The following ARHGEF28 variants were observed in gnomAD, a reference collection of about 807,000 sequenced individuals.
ARHGEF28 encodes the protein Rho guanine nucleotide exchange factor 28, also known as 190 kDa guanine nucleotide exchange factor.
Under a neutral mutation model 206.6 loss-of-function variants are expected in ARHGEF28, and 152 were observed. That is an observed-to-expected ratio of 0.74 (90% CI 0.64 to 0.84). The LOEUF (loss-of-function observed/expected upper bound fraction) is 0.84. Ranked by LOEUF, ARHGEF28 falls within the 40% of genes least tolerant of loss-of-function variation. ARHGEF28 has a pLI of 0.00. For missense variants in ARHGEF28, 2,028 were observed against 2,073.2 expected, an observed-to-expected ratio of 0.98 and a Z score of 0.42; for synonymous variants, 763 against 776.4, an observed-to-expected ratio of 0.98 and a Z score of 0.29.
intron 2 of ARHGEF28, among the ~76,000 whole-genome samples, chr5:73,701,838 A>G (rs1012589794): frequency 1.7e-4 from 26 of 152,268 alleles, no homozygotes; most frequent in African/African-American, 6.3e-4. Flanking sequence ...ATAGGTGTCC[A>G]ATTTGTTTAA....
intron 35 of ARHGEF28, among the ~76,000 whole-genome samples, chr5:73,924,618 A>G (rs1763700859): frequency 6.6e-6 from 1 of 152,206 alleles, no homozygotes; most frequent in Non-Finnish European, 1.5e-5. Context: ...GACCAGAGAG[A>G]CTTGTTATGC....
chr5:73,791,657 A>G (rs1280842598), intron 7 of ARHGEF28, among the ~76,000 whole-genome samples: 1 of 152,050 alleles, frequency 6.6e-6, no homozygotes, highest in Non-Finnish European at 1.5e-5. Context: ...TGAGTTTTTT[A>G]GGCGAATCTG....
At chr5:73,759,225 G>A (rs1317336402) in intron 4 of ARHGEF28, among the ~76,000 whole-genome samples, 1 of 152,136 alleles carries the variant, frequency 6.6e-6, no homozygotes, top group Non-Finnish European at 1.5e-5. Context: ...CACCAATAGA[G>A]TTATAACAAC....
intron 11 of ARHGEF28, among the ~76,000 whole-genome samples, chr5:73,842,458 T>C (rs1410586020): frequency 6.6e-6 from 1 of 151,928 alleles, no homozygotes; most frequent in Non-Finnish European, 1.5e-5. Context: ...GTACCAAGGG[T>C]TATGTGTGAT....
At chr5:73,763,541 C>T (rs959734604) in intron 4 of ARHGEF28, among the ~76,000 whole-genome samples, 1 of 152,138 alleles carries the variant, frequency 6.6e-6, no homozygotes, top group Non-Finnish European at 1.5e-5. Flanking sequence ...TAAAATTAGA[C>T]TGCAATGTAT....
rs995177169 is a variant in ARHGEF28, at chr5:73,731,834, A to T, written c.34-18003A>T. Among the ~76,000 whole-genome samples the T allele has an allele frequency of 2.0e-5, 3 of 152,136 alleles. No individual in the cohort carries two copies. In the East Asian group the frequency reaches 5.8e-4, roughly 29 times the overall value. Reference sequence around the variant, plus strand: ...TTATTATGTAAACAGTTATTTATCAATGAAGCTGTTTTCTCCTAGCTCTTC... The same window carrying T: ...TTATTATGTAAACAGTTATTTATCATTGAAGCTGTTTTCTCCTAGCTCTTC... On this transcript the variant is annotated intron_variant, in intron 2 of 35. Transcript: ENST00000513042.
intron 12 of ARHGEF28, 37 bp downstream of exon 12, chr5:73,846,512 G>A (rs1343826782): frequency 6.3e-7 from 1 of 1,574,982 alleles, no homozygotes. Flanking sequence ...TATTGCAAGT[G>A]TGGAGAATAT....
chr5:73,901,121 C>A (rs1278499426), intron 30 of ARHGEF28, 63 bp from the exon 31 acceptor site: 51 of 1,364,070 alleles, frequency 3.7e-5, no homozygotes, highest in Non-Finnish European at 4.5e-5. Flanking sequence ...ACAGAAGAAC[C>A]CGGTGGGCTG....
At chr5:73,873,501 G>GA (rs201922947) in intron 22 of ARHGEF28, among the ~76,000 whole-genome samples, 75 of 151,090 alleles carry the variant, frequency 5.0e-4, no homozygotes, top group Non-Finnish European at 6.6e-4. Context: ...GCCACTTAAG[G>GA]AAAAAAAAAT....
intron 35 of ARHGEF28, among the ~76,000 whole-genome samples, chr5:73,911,906 A>AC (rs1171250555): frequency 1.3e-5 from 2 of 152,180 alleles, no homozygotes; most frequent in Non-Finnish European, 2.9e-5. Flanking sequence ...ACTATTGTGG[A>AC]CCCCACTACA....
intron 2 of ARHGEF28, among the ~76,000 whole-genome samples, chr5:73,700,246 C>CGT (rs1260192669): frequency 2.0e-5 from 3 of 151,852 alleles, no homozygotes; most frequent in African/African-American, 4.8e-5. Context: ...TATGGGAACC[C>CGT]GTGTGTGTGT....
At chr5:73,813,072 C>G (rs770658513) in intron 9 of ARHGEF28, among the ~76,000 whole-genome samples, 3 of 152,108 alleles carry the variant, frequency 2.0e-5, no homozygotes, top group African/African-American at 4.8e-5. Context: ...GGGGATCAAG[C>G]TTTCTGGCTG....
intron 11 of ARHGEF28, among the ~76,000 whole-genome samples, chr5:73,845,238 C>T (rs962440373): frequency 6.6e-6 from 1 of 152,066 alleles, no homozygotes; most frequent in Non-Finnish European, 1.5e-5. Context: ...AGGATGGTCT[C>T]GATCTCTGAC....
At chr5:73,726,750 G>C (rs73762179) in intron 2 of ARHGEF28, among the ~76,000 whole-genome samples, 2,637 of 152,254 alleles carry the variant, frequency 0.017, 76 homozygotes, top group African/African-American at 0.06. Flanking sequence ...TTATGTGAAC[G>C]AGGCATGTTT....
chr5:73,871,791 C>T (rs148771001), intron 21 of ARHGEF28, among the ~76,000 whole-genome samples: 60 of 152,332 alleles, frequency 3.9e-4, no homozygotes, highest in African/African-American at 1.3e-3. Flanking sequence ...CTCTGGCAAA[C>T]ACTAGTCTAC....
At chr5:73,735,266 A>G (rs1282486430) in intron 2 of ARHGEF28, among the ~76,000 whole-genome samples, 1 of 151,576 alleles carries the variant, frequency 6.6e-6, no homozygotes, top group Admixed American at 6.6e-5. Context: ...ATTAAAATTT[A>G]TTTATTTATT....
chr5:73,703,278 A>AT (rs888140719), intron 2 of ARHGEF28, among the ~76,000 whole-genome samples: 5 of 151,916 alleles, frequency 3.3e-5, no homozygotes, highest in African/African-American at 4.8e-5. Flanking sequence ...CCAAATCTAG[A>AT]TTTTTTTTCA....
chr5:73,915,020 A>G (rs990654355), intron 35 of ARHGEF28, among the ~76,000 whole-genome samples: 6 of 152,226 alleles, frequency 3.9e-5, no homozygotes, highest in Admixed American at 6.5e-5. Flanking sequence ...GATTATAGGC[A>G]TGAGCCACAG....
chr5:73,682,726 TAAGAG>T (rs1431875248), intron 1 of ARHGEF28, among the ~76,000 whole-genome samples: 2 of 152,130 alleles, frequency 1.3e-5, no homozygotes, highest in African/African-American at 4.8e-5. Context: ...AATTCATTCT[TAAGAG>T]AAGCCTCTAA....
Sources: allele counts gnomAD v4.1 joint callset (sites outside exome capture counted in the v4.1 genomes callset), GRCh38; gene constraint gnomAD v4.1.1; transcripts MANE v1.5; gene names NCBI Gene and HGNC (gene_info 2026-07-23, HGNC 2026-07-21).